The following HIBCH variants were observed in gnomAD, a reference collection of about 807,000 sequenced individuals.
HIBCH encodes the protein 3-hydroxyisobutyryl-CoA hydrolase, also known as 3-hydroxyisobutyryl-CoA hydrolase, mitochondrial.
A neutral mutation model predicts 58.2 loss-of-function variants in HIBCH; 50 were observed. The ratio of observed to expected loss-of-function variants is 0.86; its 90% CI spans 0.68 to 1.09. The LOEUF (loss-of-function observed/expected upper bound fraction) is 1.09. Among genes scored for constraint, HIBCH ranks in the 50% least tolerant of loss-of-function variants. The probability of loss-of-function intolerance (pLI) is 0.00; values close to 1 mark genes in which losing one functional copy is unlikely to be tolerated. For synonymous variants in HIBCH, 151 were observed against 146.9 expected (o/e 1.03, Z -0.20); for missense variants, 450 against 449.7 (o/e 1.00, Z -0.01).
At chr2:190,233,956 G>A (rs1686186888) in intron 11 of HIBCH, among the ~76,000 whole-genome samples, 2 of 152,110 alleles carry the variant, frequency 1.3e-5, no homozygotes, top group Admixed American at 6.5e-5. Flanking sequence ...TCAGGAATTA[G>A]AGACCAGCCT....
intron 4 of HIBCH, among the ~76,000 whole-genome samples, chr2:190,291,639 G>C (rs1687960514): frequency 6.6e-6 from 1 of 152,170 alleles, no homozygotes; most frequent in Non-Finnish European, 1.5e-5. Flanking sequence ...AATTCTCAAA[G>C]ACATTGCTAC....
rs1686723281 is a variant in HIBCH, at chr2:190,250,208, T to C, written c.664-482A>G. On this transcript the variant is annotated intron_variant, in intron 8 of 13. Coordinates refer to ENST00000359678, the MANE Select transcript of HIBCH (RefSeq NM_014362.4). ...AGCTAATGCTTTCTTGCCCCTGTGA[T>C]TTCATTAAATGTTTCCTTTACCTGA... 8.5e-6 allele frequency: 3 copies of C among 351,276 alleles called. 1 individual carries two copies. The highest frequency in any genetic ancestry group is 7.7e-5 in the Admixed American group (2 of 26,130). 21.8% of individuals were successfully genotyped at this position (351,276 alleles called of 1,614,324 possible).
At chr2:190,314,389 A>ACG (rs1448285208) in intron 1 of HIBCH, among the ~76,000 whole-genome samples, 1 of 94,182 alleles carries the variant, frequency 1.1e-5, no homozygotes, top group African/African-American at 4.3e-5. Flanking sequence ...GTGTATATAT[A>ACG]TGTATATATA....
intron 11 of HIBCH, 108 bp from the exon 12 acceptor site, chr2:190,213,183 T>A: frequency 1.1e-6 from 1 of 943,294 alleles, no homozygotes; most frequent in Admixed American, 1.8e-5. Context: ...CAAAATCTCA[T>A]AAAAGATTAT....
intron 6 of HIBCH, among the ~76,000 whole-genome samples, chr2:190,265,935 A>G (rs902610082): frequency 9.9e-5 from 15 of 151,992 alleles, no homozygotes; most frequent in African/African-American, 3.6e-4. Context: ...ATCAGTTTTA[A>G]TAGTCTATAA....
At position 190,223,819 on chromosome 2, in the gene HIBCH, C is replaced by T. The variant is rs537709718; in HGVS notation, c.892-10744G>A. On this transcript the variant is annotated intron_variant, in intron 11 of 13. Coordinates refer to ENST00000359678, the MANE Select transcript of HIBCH (RefSeq NM_014362.4). ...GAAGATGGCCGAATAGGAACAGCTC[C>T]AGTCTACAGCTCCCAGAGTGAGCAA... 2.0e-5 allele frequency among the ~76,000 whole-genome samples: 3 copies of T among 152,352 alleles called. No individual in the cohort carries two copies. The South Asian group carries it at 6.2e-4, about 32-fold the overall frequency.
At chr2:190,260,930 AGT>A (rs1370134923) in intron 7 of HIBCH, among the ~76,000 whole-genome samples, 4 of 152,180 alleles carry the variant, frequency 2.6e-5, no homozygotes, top group Non-Finnish European at 5.9e-5. Flanking sequence ...TTTTATTTAT[AGT>A]GTGTTAATGT....
intron 1 of HIBCH, among the ~76,000 whole-genome samples, chr2:190,317,797 C>A (rs777372358): frequency 1.3e-5 from 2 of 151,010 alleles, no homozygotes; most frequent in African/African-American, 4.9e-5. Flanking sequence ...GTTATACTTA[C>A]GTGCAAATTT....
At position 190,210,563 on chromosome 2, in the gene HIBCH, T is replaced by C. The variant is rs1690493534; in HGVS notation, c.1012-1650A>G. Among the ~76,000 whole-genome samples, 1 of 152,172 alleles carries C rather than the reference T, an allele frequency of 6.6e-6. No homozygotes were observed. The highest frequency in any genetic ancestry group is 1.5e-5 in the Non-Finnish European group (1 of 68,030). On this transcript the variant is annotated intron_variant, in intron 12 of 13. Coordinates refer to ENST00000359678, the MANE Select transcript of HIBCH (RefSeq NM_014362.4). The surrounding 1 kb of genome is among the most constrained non-coding windows in gnomAD (Gnocchi z 5.5). ...TTAAAGTATAAGATCATGGCATTCC[T>C]CTCCTCATAATCACCTAGTGGCTTC...
intron 11 of HIBCH, among the ~76,000 whole-genome samples, chr2:190,229,994 T>C (rs1056870208): frequency 1.3e-5 from 2 of 152,338 alleles, no homozygotes; most frequent in East Asian, 3.9e-4. Context: ...AGAGAGCTTG[T>C]AATGAAATCT....
In HIBCH at chr2:190,238,759, G is replaced by A. The variant is rs540133934; in HGVS notation, c.891+6128C>T. Among the ~76,000 whole-genome samples the A allele has an allele frequency of 4.6e-5, 7 of 152,258 alleles. No homozygotes were observed. The South Asian group carries it at 6.2e-4, about 14-fold the overall frequency. The stretch of plus-strand genomic sequence containing the variant: ...ATTACAGGCGTGAGCCACCACGCCC[G>A]GCCACAAACGTCTTCTTTTGAGAAG... On this transcript the variant is annotated intron_variant, in intron 11 of 13. Coordinates refer to ENST00000359678, the MANE Select transcript of HIBCH (RefSeq NM_014362.4).
intron 4 of HIBCH, among the ~76,000 whole-genome samples, chr2:190,293,410 G>A (rs929600634): frequency 4.0e-5 from 6 of 151,808 alleles, no homozygotes; most frequent in African/African-American, 7.3e-5. Flanking sequence ...CAGAGATCAC[G>A]TGACTGCACT....
intron 1 of HIBCH, among the ~76,000 whole-genome samples, chr2:190,194,034 G>T (rs141379371): frequency 1.3e-5 from 2 of 151,594 alleles, no homozygotes; most frequent in African/African-American, 4.9e-5. Context: ...TTTCTTCTTT[G>T]TCCCATGGGT....
At chr2:190,290,364 TC>T in intron 5 of HIBCH, 40 bp downstream of exon 5, 1 of 1,354,906 alleles carries the variant, frequency 7.4e-7, no homozygotes. Flanking sequence ...CCACCTCATT[TC>T]TTTATTCCAT....
intron 6 of HIBCH, among the ~76,000 whole-genome samples, chr2:190,262,483 C>T (rs1687116970): frequency 1.3e-5 from 2 of 152,200 alleles, no homozygotes. Context: ...CAGCATCACA[C>T]AACGTAAGTC....
chr2:190,275,679 G>C (rs1184075991), intron 6 of HIBCH, among the ~76,000 whole-genome samples: 1 of 152,234 alleles, frequency 6.6e-6, no homozygotes. Context: ...GATATCAACA[G>C]TTTACAAATA....
intron 6 of HIBCH, among the ~76,000 whole-genome samples, chr2:190,267,931 T>C (rs1687287718): frequency 6.6e-6 from 1 of 152,178 alleles, no homozygotes; most frequent in African/African-American, 2.4e-5. Flanking sequence ...ACTGAGATGA[T>C]CTGGGACTGC....
At chr2:190,252,023 A>G (rs1438805489) in intron 8 of HIBCH, 139 bp downstream of exon 8, 3 of 739,456 alleles carry the variant, frequency 4.1e-6, no homozygotes, top group East Asian at 5.2e-5. Context: ...AAGGTAACAC[A>G]GCTATAAACT....
intron 1 of HIBCH, 24 bp from the exon 2 acceptor site, chr2:190,310,820 G>A (rs772949289): frequency 1.9e-6 from 3 of 1,550,382 alleles, no homozygotes; most frequent in Middle Eastern, 1.7e-4. Context: ...GGAAAACAAT[G>A]AGAACAGTAA....
Sources: gnomAD v4.1 joint callset for allele counts (sites outside exome capture counted in the v4.1 genomes callset) on GRCh38, gnomAD v4.1.1 for gene constraint, Gnocchi (gnomAD v3.1) non-coding constraint, MANE v1.5 for transcripts, NCBI Gene and HGNC (gene_info 2026-07-23, HGNC 2026-07-21) for gene names.